Variants in SGCZ observed in about 807,000 individuals in gnomAD.
The protein encoded by SGCZ is sarcoglycan zeta.
SGCZ carries 40 observed loss-of-function variants against 41.3 expected under a neutral mutation model. The observed-to-expected ratio is 0.97, with a 90% CI of 0.75 to 1.26. The LOEUF is 1.26. SGCZ is among the 50% of genes most tolerant of loss of function. The pLI is 0.00. For missense variants in SGCZ, 552 were observed against 369.8 expected (o/e 1.49, Z -4.04); for synonymous variants, 206 against 137.5 (o/e 1.50, Z -3.49).
chr8:14,123,772 C>T (rs980856320), intron 5 of SGCZ, among the ~76,000 whole-genome samples: 1 of 152,162 alleles, frequency 6.6e-6, no homozygotes, highest in African/African-American at 2.4e-5. Flanking sequence ...ATCCTAATCC[C>T]TGAAACCTGT....
chr8:14,760,530 T>C (rs1299476206), intron 1 of SGCZ, among the ~76,000 whole-genome samples: 1 of 152,228 alleles, frequency 6.6e-6, no homozygotes, highest in Non-Finnish European at 1.5e-5. Flanking sequence ...TGTATGCATG[T>C]ATTTTATAAC....
intron 1 of SGCZ, among the ~76,000 whole-genome samples, chr8:14,776,323 G>A (rs1800400033): frequency 6.6e-6 from 1 of 151,938 alleles, no homozygotes; most frequent in African/African-American, 2.4e-5. Flanking sequence ...AGCCTCATGA[G>A]ATCTAATGGT....
chr8:14,852,856 T>A (rs1803384762), intron 1 of SGCZ, among the ~76,000 whole-genome samples: 2 of 152,188 alleles, frequency 1.3e-5, no homozygotes, highest in African/African-American at 2.4e-5. Flanking sequence ...CCTGTGGTAT[T>A]GTTCCCAGAA....
At chr8:14,977,494 A>G (rs1401796155) in intron 1 of SGCZ, among the ~76,000 whole-genome samples, 1 of 152,126 alleles carries the variant, frequency 6.6e-6, no homozygotes, top group East Asian at 1.9e-4. Context: ...CATCCACATC[A>G]TCTAATATTT....
At chr8:14,573,272 A>C (rs777247994) in intron 1 of SGCZ, among the ~76,000 whole-genome samples, 1 of 129,732 alleles carries the variant, frequency 7.7e-6, no homozygotes, top group Non-Finnish European at 1.5e-5. Context: ...GTCTCGGCTC[A>C]CTGCAAGCTC....
At chr8:14,810,778 C>A (rs1801715238) in intron 1 of SGCZ, among the ~76,000 whole-genome samples, 1 of 151,934 alleles carries the variant, frequency 6.6e-6, no homozygotes, top group Non-Finnish European at 1.5e-5. Context: ...ACTATAAATT[C>A]AGGTTTGTTT....
At chr8:14,732,818 A>T (rs1051536426) in intron 1 of SGCZ, among the ~76,000 whole-genome samples, 38 of 151,792 alleles carry the variant, frequency 2.5e-4, no homozygotes, top group Non-Finnish European at 4.4e-4. Flanking sequence ...TTTTGTCTTT[A>T]AAAAAAAGAC....
chr8:14,632,008 A>G (rs1414756280), intron 1 of SGCZ, among the ~76,000 whole-genome samples: 1 of 151,216 alleles, frequency 6.6e-6, no homozygotes, highest in South Asian at 2.1e-4. Flanking sequence ...GTTAGTGCTT[A>G]AATTATTTTA....
chr8:14,986,349 G>T (rs533065199), intron 1 of SGCZ, among the ~76,000 whole-genome samples: 1 of 151,850 alleles, frequency 6.6e-6, no homozygotes, highest in Non-Finnish European at 1.5e-5. Flanking sequence ...TTACTTCGGC[G>T]CACACAAAAT....
intron 2 of SGCZ, among the ~76,000 whole-genome samples, chr8:14,421,155 C>A (rs184197558): frequency 6.6e-6 from 1 of 152,032 alleles, no homozygotes; most frequent in African/African-American, 2.4e-5. Flanking sequence ...AGAATGCCTT[C>A]GTATGACCAG....
chr8:14,321,870 T>A (rs1400513116), intron 3 of SGCZ, among the ~76,000 whole-genome samples: 1 of 152,120 alleles, frequency 6.6e-6, no homozygotes, highest in African/African-American at 2.4e-5. Flanking sequence ...ATTATTGAAA[T>A]GTTTGTGTTC....
chr8:15,221,121 A>G (rs1801586174), intron 1 of SGCZ, among the ~76,000 whole-genome samples: 1 of 152,096 alleles, frequency 6.6e-6, no homozygotes, highest in African/African-American at 2.4e-5. Flanking sequence ...ATGTAACAAA[A>G]CTGCATGTTG....
intron 1 of SGCZ, among the ~76,000 whole-genome samples, chr8:14,759,280 T>C (rs111449802): frequency 0.021 from 3,212 of 152,086 alleles, 60 homozygotes; most frequent in South Asian, 0.076. Context: ...GAGAAGAAAA[T>C]TGGAGACAAG....
intron 2 of SGCZ, among the ~76,000 whole-genome samples, chr8:14,478,450 G>C (rs1801425644): frequency 6.6e-6 from 1 of 152,172 alleles, no homozygotes; most frequent in African/African-American, 2.4e-5. Context: ...CATACTGTAT[G>C]ATTCCAACTA....
At chr8:15,123,636 A>G (rs1160740348) in intron 1 of SGCZ, among the ~76,000 whole-genome samples, 2 of 152,140 alleles carry the variant, frequency 1.3e-5, no homozygotes, top group African/African-American at 4.8e-5. Flanking sequence ...CACATTTTTT[A>G]TCCCATCAAT....
At chr8:14,449,652 A>G (rs1376724734) in intron 2 of SGCZ, among the ~76,000 whole-genome samples, 2 of 152,152 alleles carry the variant, frequency 1.3e-5, no homozygotes, top group Non-Finnish European at 2.9e-5. Context: ...AAGTAGATCT[A>G]AAGATAGACC....
At chr8:14,832,015 T>C (rs1802550722) in intron 1 of SGCZ, among the ~76,000 whole-genome samples, 1 of 152,098 alleles carries the variant, frequency 6.6e-6, no homozygotes, top group Admixed American at 6.5e-5. Flanking sequence ...TAGTAATTGG[T>C]AGTTATAATC....
intron 1 of SGCZ, among the ~76,000 whole-genome samples, chr8:14,718,102 G>T (rs989202588): frequency 1.3e-5 from 2 of 151,174 alleles, no homozygotes; most frequent in East Asian, 3.9e-4. Context: ...GAATAACTGT[G>T]ACTCTCTAAG....
intron 1 of SGCZ, among the ~76,000 whole-genome samples, chr8:14,799,642 C>A (rs536013652): frequency 6.6e-6 from 1 of 152,058 alleles, no homozygotes; most frequent in Admixed American, 6.6e-5. Context: ...CAGGACTTCA[C>A]CTACTAGGCA....
Sources: allele counts gnomAD v4.1 joint callset (sites outside exome capture counted in the v4.1 genomes callset), GRCh38; gene constraint gnomAD v4.1.1; transcripts MANE v1.5; gene names NCBI Gene and HGNC (gene_info 2026-07-23, HGNC 2026-07-21).